Variants in CA13 observed in about 807,000 individuals in gnomAD.
The protein encoded by CA13 is CA-XIII.
Under a neutral mutation model 31.5 loss-of-function variants are expected in CA13, and 21 were observed. The ratio of observed to expected loss-of-function variants is 0.67; its 90% CI spans 0.47 to 0.96. CA13 has a LOEUF of 0.96. CA13 is among the 40% of genes least tolerant of loss of function. CA13 has a pLI of 0.00. For missense variants in CA13, 315 were observed against 318.9 expected (o/e 0.99, Z 0.09); for synonymous variants, 117 against 111.4 (o/e 1.05, Z -0.32).
intron 6 of CA13, among the ~76,000 whole-genome samples, chr8:85,276,091 C>T (rs903979522): frequency 6.6e-6 from 1 of 151,858 alleles, no homozygotes. Context: ...AGTGGGGCTG[C>T]GGGCGGTGCT....
chr8:85,245,776 C>A lies in CA13; in HGVS notation c.-53C>A. 6.2e-7 allele frequency: 1 copy of A among 1,605,896 alleles called. No homozygotes were observed. The highest frequency in any genetic ancestry group is 1.1e-5 in the South Asian group (1 of 90,896). Reference sequence around the variant, plus strand: ...CTTCCCGGGCCCCTCCCCGCTCCCTCCTCTTTCTCGCTGCTCAGTCACATC... The same window carrying A: ...CTTCCCGGGCCCCTCCCCGCTCCCTACTCTTTCTCGCTGCTCAGTCACATC... On this transcript the variant is annotated 5_prime_UTR_variant, in exon 1 of 7. Coordinates refer to ENST00000321764, the MANE Select transcript of CA13 (RefSeq NM_198584.3).
At chr8:85,276,775 G>A (rs149070380) in intron 6 of CA13, among the ~76,000 whole-genome samples, 2,612 of 151,936 alleles carry the variant, frequency 0.017, 41 homozygotes, top group East Asian at 0.062. Context: ...TTTAGCTCAG[G>A]GTTTGTGAAT....
chr8:85,265,323 T>G (rs1327175013), intron 3 of CA13, among the ~76,000 whole-genome samples: 1 of 152,246 alleles, frequency 6.6e-6, no homozygotes, highest in African/African-American at 2.4e-5. Context: ...GCCCTTTGGC[T>G]TCTGTCTCAC....
chr8:85,275,717 T>C (rs1236338350), intron 6 of CA13, among the ~76,000 whole-genome samples: 1 of 152,198 alleles, frequency 6.6e-6, no homozygotes, highest in East Asian at 1.9e-4. Flanking sequence ...TTTGGACAAA[T>C]AGTCCCATTA....
chr8:85,267,161 T>C, intron 4 of CA13: 1 of 713,126 alleles, frequency 1.4e-6, no homozygotes, highest in Non-Finnish European at 1.7e-6. Flanking sequence ...ATTATTGTCA[T>C]CATACCTGGG....
At chr8:85,275,156 A>G (rs1399997814) in intron 6 of CA13, among the ~76,000 whole-genome samples, 2 of 152,120 alleles carry the variant, frequency 1.3e-5, no homozygotes, top group African/African-American at 4.8e-5. Flanking sequence ...TTTTGACAAG[A>G]CATAATTGAG....
At chr8:85,261,626 A>T (rs1284425101) in intron 3 of CA13, among the ~76,000 whole-genome samples, 1 of 151,940 alleles carries the variant, frequency 6.6e-6, no homozygotes, top group African/African-American at 2.4e-5. Context: ...GGGTTTCTCC[A>T]TGTTGGTCAG....
rs33933991 is a variant in CA13, at chr8:85,258,759, C to CAAAAAAAAAA, written c.236-642_236-633dup. Among the ~76,000 whole-genome samples the CAAAAAAAAAA allele has an allele frequency of 9.2e-5, 4 of 43,478 alleles. 1 individual carries two copies. Among genetic ancestry groups the CAAAAAAAAAA allele is most frequent in the African/African-American group, 4.0e-4 (4 of 10,044 alleles). 28.5% of individuals were successfully genotyped at this position (43,478 alleles called of 152,430 possible). A position where few individuals can be genotyped will look rare whatever the true frequency, so the allele number is the denominator to read the frequency against. On this transcript the variant is annotated intron_variant, in intron 2 of 6. Coordinates refer to ENST00000321764, the MANE Select transcript of CA13 (RefSeq NM_198584.3). ...ATAACATAGTGAGGCCCTGTCTCTACAAAAAAAAAAAAAAAAAAAAAAAAA... is the reference window on the plus strand; with the variant it reads ...ATAACATAGTGAGGCCCTGTCTCTACAAAAAAAAAAAAAAAAAAAAAAAAAAAAAAAAAAA...
intron 6 of CA13, among the ~76,000 whole-genome samples, chr8:85,276,028 G>A (rs1374455096): frequency 1.3e-5 from 2 of 152,208 alleles, no homozygotes; most frequent in African/African-American, 4.8e-5. Flanking sequence ...GCCAAGGCCG[G>A]AGCCGGCTCC....
At chr8:85,260,427 A>G (rs750754579) in intron 3 of CA13, among the ~76,000 whole-genome samples, 4 of 152,180 alleles carry the variant, frequency 2.6e-5, no homozygotes, top group Non-Finnish European at 4.4e-5. Context: ...ATTTTTCTTC[A>G]TGTTCTCATG....
At chr8:85,279,516 G>A (rs1411094404) in intron 6 of CA13, among the ~76,000 whole-genome samples, 3 of 152,198 alleles carry the variant, frequency 2.0e-5, no homozygotes, top group Admixed American at 6.5e-5. Flanking sequence ...CAGGCTGGTC[G>A]GAGAAAGAGC....
At chr8:85,252,341 A>G (rs1462954682) in intron 2 of CA13, among the ~76,000 whole-genome samples, 1 of 152,234 alleles carries the variant, frequency 6.6e-6, no homozygotes, top group African/African-American at 2.4e-5. Context: ...CATTCTCCTA[A>G]CAATGGACAT....
At chr8:85,277,662 C>A (rs1197958126) in intron 6 of CA13, among the ~76,000 whole-genome samples, 1 of 152,170 alleles carries the variant, frequency 6.6e-6, no homozygotes, top group African/African-American at 2.4e-5. Context: ...AGCGCGCCAA[C>A]AGCACACGAG....
chr8:85,279,659 C>G (rs557655988), intron 6 of CA13, among the ~76,000 whole-genome samples: 82 of 152,262 alleles, frequency 5.4e-4, no homozygotes, highest in African/African-American at 1.9e-3. Context: ...AAGCCAACGT[C>G]TTCAGAAGAA....
chr8:85,251,818 TTA>T (rs1813834312), intron 2 of CA13, among the ~76,000 whole-genome samples: 1 of 152,256 alleles, frequency 6.6e-6, no homozygotes, highest in South Asian at 2.1e-4. Flanking sequence ...CGGTGCTTAG[TTA>T]TGTATACATA....
intron 2 of CA13, among the ~76,000 whole-genome samples, chr8:85,256,881 G>A (rs1432818842): frequency 1.3e-5 from 2 of 152,148 alleles, no homozygotes; most frequent in Admixed American, 1.3e-4. Context: ...TTTAATGAAG[G>A]TTCTTCTGGC....
In CA13 at chr8:85,261,505, C is replaced by T. The variant is rs376006815; in HGVS notation, c.354+1966C>T. Among the ~76,000 whole-genome samples the T allele has an allele frequency of 1.1e-4, 16 of 151,936 alleles. No homozygotes were observed. In the East Asian group the frequency reaches 2.5e-3, roughly 24 times the overall value. ...GCGATGGTGCGATCTTGGCTTACTG[C>T]AACCTCTGCCTCCTGGGTTCAAGTG... is the stretch of plus-strand genomic sequence containing the variant. On this transcript the variant is annotated intron_variant, in intron 3 of 6. Transcript: ENST00000321764.
Position 85,268,635 on chromosome 8 carries a change from A to G in CA13, c.669+8A>G. 3 of 1,610,006 alleles carry G rather than the reference A, an allele frequency of 1.9e-6. No homozygotes were observed. The highest frequency in any genetic ancestry group is 2.5e-6 in the Non-Finnish European group (3 of 1,178,474). ...AACATCAGCTCTCAACAGGTACATAATCTCTTCCAGGTTGATACTGATTCC... is the reference window on the plus strand; with the variant it reads ...AACATCAGCTCTCAACAGGTACATAGTCTCTTCCAGGTTGATACTGATTCC... On this transcript the variant is annotated splice_region_variant and intron_variant, in intron 6 of 6. Coordinates refer to ENST00000321764, the MANE Select transcript of CA13 (RefSeq NM_198584.3).
At chr8:85,256,375 A>T (rs187405233) in intron 2 of CA13, among the ~76,000 whole-genome samples, 3 of 152,322 alleles carry the variant, frequency 2.0e-5, no homozygotes, top group African/African-American at 7.2e-5. Context: ...AGATATCAAA[A>T]AGAAAGTTGT....
Sources: gnomAD v4.1 joint callset for allele counts (sites outside exome capture counted in the v4.1 genomes callset) on GRCh38, gnomAD v4.1.1 for gene constraint, MANE v1.5 for transcripts, NCBI Gene and HGNC (gene_info 2026-07-23, HGNC 2026-07-21) for gene names.